The following GON4L variants were observed in gnomAD, a reference collection of about 807,000 sequenced individuals.
The protein encoded by GON4L is GON-4-like protein.
GON4L carries 87 observed loss-of-function variants against 211.8 expected under a neutral mutation model. The ratio of observed to expected loss-of-function variants is 0.41; its 90% CI spans 0.35 to 0.49. The LOEUF (loss-of-function observed/expected upper bound fraction) is 0.49, where lower values mean the gene tolerates loss of function less well. GON4L is among the 20% of genes least tolerant of loss of function. GON4L has a pLI of 0.15. For synonymous variants in GON4L, 875 were observed against 962.6 expected (o/e 0.91, Z 1.68); for missense variants, 2,155 against 2,659.5 (o/e 0.81, Z 4.17).
intron 2 of GON4L, 144 bp downstream of exon 2, chr1:155,853,132 G>A: frequency 1.2e-6 from 1 of 809,560 alleles, no homozygotes; most frequent in South Asian, 1.4e-5. Flanking sequence ...AAAGTTCACT[G>A]TTGACCCTTA....
intron 2 of GON4L, among the ~76,000 whole-genome samples, chr1:155,835,286 T>C (rs1332108872): frequency 2.0e-5 from 3 of 151,884 alleles, no homozygotes; most frequent in Non-Finnish European, 4.4e-5. Flanking sequence ...CGTTAAGTCA[T>C]CACCACTCCC....
intron 17 of GON4L, among the ~76,000 whole-genome samples, chr1:155,774,436 G>A (rs1663554866): frequency 6.6e-6 from 1 of 151,640 alleles, no homozygotes; most frequent in Admixed American, 6.6e-5. Flanking sequence ...AGCCTCCCGA[G>A]TAGCTGGGAC....
intron 20 of GON4L, chr1:155,767,052 A>C (rs1662584555): frequency 1.8e-6 from 1 of 569,578 alleles, no homozygotes. Context: ...AACAAAACAA[A>C]ACAACAACAA....
At chr1:155,761,292 C>G (rs1661775321) in intron 23 of GON4L, among the ~76,000 whole-genome samples, 1 of 150,980 alleles carries the variant, frequency 6.6e-6, no homozygotes, top group African/African-American at 2.4e-5. Context: ...GTGATCCTCC[C>G]ACCTCAGACT....
At chr1:155,790,837 G>A (rs912677705) in intron 12 of GON4L, among the ~76,000 whole-genome samples, 11 of 150,126 alleles carry the variant, frequency 7.3e-5, no homozygotes, top group South Asian at 2.1e-4. Flanking sequence ...CCAGCTACTC[G>A]GGAGGCTGAG....
At chr1:155,773,526 T>G in intron 17 of GON4L, 1 of 300,084 alleles carries the variant, frequency 3.3e-6, no homozygotes, top group Non-Finnish European at 6.3e-6. Context: ...AAAAATGTTT[T>G]ACCTCCTTCC....
At chr1:155,803,011 T>C (rs1401538099) in intron 11 of GON4L, among the ~76,000 whole-genome samples, 4 of 152,206 alleles carry the variant, frequency 2.6e-5, no homozygotes, top group Non-Finnish European at 5.9e-5. Flanking sequence ...CCAGGCACCC[T>C]GTCATTCATA....
At chr1:155,787,071 G>A (rs1432562449) in intron 12 of GON4L, among the ~76,000 whole-genome samples, 2 of 143,218 alleles carry the variant, frequency 1.4e-5, no homozygotes, top group Non-Finnish European at 3.1e-5. Flanking sequence ...ACAGGCGCCT[G>A]CCACCGTGCC....
chr1:155,758,793 C>A (rs1661456287), intron 24 of GON4L, among the ~76,000 whole-genome samples: 1 of 152,156 alleles, frequency 6.6e-6, no homozygotes, highest in South Asian at 2.1e-4. Context: ...GCAGGAGAAT[C>A]ACTTGAACCT....
chr1:155,784,162 G>GA, intron 13 of GON4L, 73 bp from the exon 14 acceptor site: 2 of 1,574,160 alleles, frequency 1.3e-6, no homozygotes, highest in Admixed American at 1.7e-5. Context: ...TGGGAAGGAA[G>GA]AGTGAAAACT....
intron 2 of GON4L, among the ~76,000 whole-genome samples, chr1:155,833,562 C>T (rs955772338): frequency 1.1e-4 from 15 of 132,112 alleles, no homozygotes; most frequent in Middle Eastern, 3.7e-3. Flanking sequence ...AGAAGAATGG[C>T]GTGAACCCGG....
At chr1:155,854,092 T>C (rs1029920733) in intron 1 of GON4L, among the ~76,000 whole-genome samples, 1 of 152,224 alleles carries the variant, frequency 6.6e-6, no homozygotes, top group African/African-American at 2.4e-5. Flanking sequence ...CTTCATAGAA[T>C]TGTTACAATT....
chr1:155,806,252 G>A (rs749078315), intron 10 of GON4L, among the ~76,000 whole-genome samples: 2 of 149,226 alleles, frequency 1.3e-5, no homozygotes, highest in South Asian at 2.1e-4. Flanking sequence ...TCCCGGGTTC[G>A]GGTGATTCTC....
chr1:155,747,044 G>A (rs1189183364), downstream of GON4L: 33 of 1,605,940 alleles, frequency 2.1e-5, no homozygotes, highest in Non-Finnish European at 2.8e-5. Flanking sequence ...GCTATGCGGT[G>A]TGGCCAGCCA....
At chr1:155,751,896 C>T (rs1660633905) in intron 30 of GON4L, 27 bp from the exon 31 acceptor site, 3 of 1,612,214 alleles carry the variant, frequency 1.9e-6, no homozygotes, top group African/African-American at 2.7e-5. Context: ...ATGATTAACC[C>T]TAGGGAGCCA....
chr1:155,851,592 T>A (rs538596988), intron 2 of GON4L, among the ~76,000 whole-genome samples: 1 of 151,828 alleles, frequency 6.6e-6, no homozygotes, highest in South Asian at 2.1e-4. Flanking sequence ...GGCGGGCGCC[T>A]GTAATACCAG....
intron 11 of GON4L, among the ~76,000 whole-genome samples, chr1:155,802,135 T>C (rs1315879003): frequency 6.6e-6 from 1 of 152,204 alleles, no homozygotes; most frequent in Non-Finnish European, 1.5e-5. Flanking sequence ...CTCTCACAGA[T>C]GCATACCAAA....
At chr1:155,831,119 T>C (rs1669720651) in intron 2 of GON4L, among the ~76,000 whole-genome samples, 1 of 151,964 alleles carries the variant, frequency 6.6e-6, no homozygotes, top group Non-Finnish European at 1.5e-5. Context: ...GTTAATGTGG[T>C]GAAACGCTAT....
At chr1:155,806,646 T>G (rs1295793700) in intron 10 of GON4L, among the ~76,000 whole-genome samples, 1 of 151,866 alleles carries the variant, frequency 6.6e-6, no homozygotes, top group African/African-American at 2.4e-5. Flanking sequence ...GGTTTAGGAG[T>G]TCAAGGTGAC....
Sources: allele counts gnomAD v4.1 joint callset (sites outside exome capture counted in the v4.1 genomes callset), GRCh38; gene constraint gnomAD v4.1.1; transcripts MANE v1.5; gene names NCBI Gene and HGNC (gene_info 2026-07-23, HGNC 2026-07-21).